NTRK1: variants seen among roughly 807,000 people sequenced by gnomAD.
NTRK1 encodes the protein neurotrophic receptor tyrosine kinase 1.
Under a neutral mutation model 86.8 loss-of-function variants are expected in NTRK1, and 62 were observed. That is an observed-to-expected ratio of 0.71 (90% CI 0.58 to 0.88). The LOEUF is 0.88. NTRK1 is among the 40% of genes least tolerant of loss of function. The probability of loss-of-function intolerance (pLI) is 0.00; values close to 1 mark genes in which losing one functional copy is unlikely to be tolerated. For synonymous variants in NTRK1, 469 were observed against 456.6 expected (o/e 1.03, Z -0.35); for missense variants, 967 against 1,078.4 (o/e 0.90, Z 1.45).
At position 156,881,478 on chromosome 1, in the gene NTRK1, G is replaced by T. The variant is rs865845026; in HGVS notation, c.2227G>T (p.Gly743Ter). The T allele has an allele frequency of 6.3e-7, 1 of 1,579,740 alleles. No homozygotes were observed. Among genetic ancestry groups the T allele is most frequent in the East Asian group, 2.3e-5 (1 of 42,802 alleles). ...NTEAIDCITQGRELERPRACP... is the reference protein window; with the variant it reads ...NTEAIDCITQ ...CCAGGCAATCGACTGCATCACGCAG[G>T]GACGTGAGTTGGAGCGGCCACGTGC... The change falls in exon 17 of 17, where the codon GGA (glycine) becomes TGA (stop). Residue 743 changes from glycine (G) to a stop codon, truncating the protein, a stop_gained. Transcript: ENST00000524377. LOFTEE classifies it high-confidence loss of function.
At position 156,815,752 on chromosome 1, in the gene NTRK1, A is replaced by G. The variant is rs200011053; in HGVS notation, c.-150A>G. The stretch of plus-strand genomic sequence containing the variant: ...CTGCTTCTGGGACTCAATGCACTGC[A>G]CCCTGGTCATCTGCGGACTCAGCCT... On this transcript the variant is annotated 5_prime_UTR_variant, in exon 1 of 17. Coordinates refer to the NTRK1 transcript ENST00000392302. 8.4e-5 allele frequency: 130 copies of G among 1,551,372 alleles called. No individual in the cohort carries two copies. The Middle Eastern group carries it at 8.4e-4, about 10-fold the overall frequency.
chr1:156,848,380 T>C (rs1003929693), intron 2 of NTRK1, among the ~76,000 whole-genome samples: 2 of 152,202 alleles, frequency 1.3e-5, no homozygotes, highest in Non-Finnish European at 2.9e-5. Context: ...CCTCTAAGGA[T>C]ATCTCCTTTT....
chr1:156,834,503 G>A (rs1042332674), intron 1 of NTRK1, among the ~76,000 whole-genome samples: 3 of 152,168 alleles, frequency 2.0e-5, no homozygotes, highest in Non-Finnish European at 2.9e-5. Flanking sequence ...CTCAGTCTTC[G>A]AGGCAGAGTG....
At chr1:156,839,746 C>T (rs369339665) in intron 1 of NTRK1, among the ~76,000 whole-genome samples, 3 of 152,136 alleles carry the variant, frequency 2.0e-5, no homozygotes, top group Non-Finnish European at 2.9e-5. Context: ...ACCGATATAA[C>T]GAACATAACA....
intron 1 of NTRK1, among the ~76,000 whole-genome samples, chr1:156,825,267 G>A (rs1425470318): frequency 6.6e-6 from 1 of 152,164 alleles, no homozygotes; most frequent in African/African-American, 2.4e-5. Flanking sequence ...TAGGTTGAAC[G>A]AGATTCTCAA....
chr1:156,868,034 G>A (rs2102892286), intron 4 of NTRK1, 70 bp from the exon 5 acceptor site: 2 of 1,579,810 alleles, frequency 1.3e-6, no homozygotes, highest in Middle Eastern at 3.3e-4. Flanking sequence ...CTGCCTAACT[G>A]CTCCCTCTTA....
intron 2 of NTRK1, chr1:156,844,105 C>T: frequency 8.8e-7 from 1 of 1,133,886 alleles, no homozygotes. Context: ...TCATCTACCT[C>T]CCTTTGACAG....
At chr1:156,824,843 C>T (rs1422238929) in intron 1 of NTRK1, among the ~76,000 whole-genome samples, 1 of 152,142 alleles carries the variant, frequency 6.6e-6, no homozygotes, top group Non-Finnish European at 1.5e-5. Flanking sequence ...GGTTACACGG[C>T]CCAGGAGGCA....
At chr1:156,820,886 T>G (rs995897120) in intron 1 of NTRK1, among the ~76,000 whole-genome samples, 2 of 152,334 alleles carry the variant, frequency 1.3e-5, no homozygotes, top group Non-Finnish European at 1.5e-5. Context: ...GTATGGTCAT[T>G]TTCACAATAT....
rs1239139469 is a variant in NTRK1 at position 156,860,980 on chromosome 1, G to T, written c.46G>T (p.Ala16Ser). ...RRGQLGWHSW[A>S]AGPGSLLAWL... ...CGGGCAGCTTGGCTGGCACAGCTGGGCTGCGGGGCCGGGCAGCCTGCTGGC... is the reference window on the plus strand; with the variant it reads ...CGGGCAGCTTGGCTGGCACAGCTGGTCTGCGGGGCCGGGCAGCCTGCTGGC... The change falls in exon 1 of 17, where the codon GCT becomes TCT. Residue 16 changes from alanine to serine, a missense_variant. Around this residue, in one of 2 missense-constraint regions of NTRK1, gnomAD observed 330 missense variants for 302.0 expected, o/e 1.09. Transcript: ENST00000524377. The T allele has an allele frequency of 1.3e-6, 2 of 1,524,826 alleles. No homozygotes were observed. The highest frequency in any genetic ancestry group is 2.8e-5 in the African/African-American group (2 of 71,018). 94.5% of individuals were successfully genotyped at this position (1,524,826 alleles called of 1,614,324 possible). A position where few individuals can be genotyped will look rare whatever the true frequency, so the allele number is the denominator to read the frequency against.
At chr1:156,817,642 CTTTT>C (rs1317245406) in intron 1 of NTRK1, among the ~76,000 whole-genome samples, 5 of 131,260 alleles carry the variant, frequency 3.8e-5, no homozygotes, top group Admixed American at 7.7e-5. Flanking sequence ...GTGTTGACAT[CTTTT>C]TTTTTTTTTT....
Position 156,860,903 on chromosome 1 carries a change from T to C in NTRK1, c.-32T>C. On this transcript the variant is annotated 5_prime_UTR_variant, in exon 1 of 17. Transcript: ENST00000524377. ...CTGCAGCTGGGAGCGCACAGACGGC[T>C]GCCCCGCCTGAGCGAGGCGGGCGCC... 1.4e-6 allele frequency: 2 copies of C among 1,424,542 alleles called. No homozygotes were observed. 88.2% of individuals were successfully genotyped at this position (1,424,542 alleles called of 1,614,324 possible).
chr1:156,858,608 C>G, upstream of NTRK1: 2 of 1,614,062 alleles, frequency 1.2e-6, no homozygotes, highest in South Asian at 2.2e-5. Context: ...GGGCCACAGA[C>G]TAGGCACTGC....
At chr1:156,858,007 A>C (rs747396584), upstream of NTRK1, among the ~76,000 whole-genome samples, 9 of 151,916 alleles carry the variant, frequency 5.9e-5, no homozygotes, top group Non-Finnish European at 1.3e-4. Flanking sequence ...GTCTTCCCCC[A>C]AAACCAGCCT....
At chr1:156,825,266 C>T (rs774721322) in intron 1 of NTRK1, among the ~76,000 whole-genome samples, 3 of 152,148 alleles carry the variant, frequency 2.0e-5, no homozygotes, top group African/African-American at 4.8e-5. Context: ...CTAGGTTGAA[C>T]GAGATTCTCA....
chr1:156,840,934 T>A, intron 1 of NTRK1: 3 of 1,614,058 alleles, frequency 1.9e-6, no homozygotes, highest in Non-Finnish European at 2.5e-6. Flanking sequence ...GGAGTCAGGC[T>A]CTGCATCGGT....
At chr1:156,852,027 G>A (rs767117657) in intron 2 of NTRK1, 1 of 1,613,524 alleles carries the variant, frequency 6.2e-7, no homozygotes, top group Non-Finnish European at 8.5e-7. Flanking sequence ...GACTCATACT[G>A]GTAGGTGCCT....
chr1:156,851,070 A>C (rs1447090727), intron 2 of NTRK1: 1 of 621,784 alleles, frequency 1.6e-6, no homozygotes, highest in Non-Finnish European at 2.9e-6. Context: ...TACACATAAC[A>C]ACTTGAGTAA....
At chr1:156,866,865 C>T (rs771209707) in intron 3 of NTRK1, 45 bp from the exon 4 acceptor site, 24 of 1,591,538 alleles carry the variant, frequency 1.5e-5, no homozygotes, top group African/African-American at 4.0e-5. Flanking sequence ...AGAGTGAGGT[C>T]GGGTCACTCA....
Sources: allele counts gnomAD v4.1 joint callset (sites outside exome capture counted in the v4.1 genomes callset), GRCh38; gene constraint gnomAD v4.1.1; regional missense constraint gnomAD v4.1.1; transcripts MANE v1.5; gene names NCBI Gene and HGNC (gene_info 2026-07-23, HGNC 2026-07-21).